Variants in ZDHHC23 observed in about 807,000 individuals in gnomAD.
The protein encoded by ZDHHC23 is palmitoyltransferase ZDHHC23.
In ZDHHC23, 41 loss-of-function variants were observed where a neutral mutation model predicts 40.2. The ratio of observed to expected loss-of-function variants is 1.02; its 90% confidence interval spans 0.79 to 1.32. The LOEUF is 1.32. Among genes scored for constraint, ZDHHC23 ranks in the 40% most tolerant of loss-of-function variants. ZDHHC23 has a pLI of 0.00. For missense variants in ZDHHC23, 471 were observed against 541.5 expected, an observed-to-expected ratio of 0.87 and a Z score of 1.29; for synonymous variants, 204 against 210.2, an observed-to-expected ratio of 0.97 and a Z score of 0.26.
At chr3:113,978,050 G>C in the ZDHHC23 span, 1 of 876,274 alleles carries the variant, frequency 1.1e-6, no homozygotes, top group African/African-American at 1.7e-5. Context: ...GGTGAGCCGG[G>C]ACTCCCACCC....
At chr3:113,956,801 G>A (rs1007918240) in intron 4 of ZDHHC23, among the ~76,000 whole-genome samples, 36 of 152,150 alleles carry the variant, frequency 2.4e-4, no homozygotes, top group Admixed American at 3.9e-4. Flanking sequence ...CTCAAAAGTC[G>A]CAACAGTGAA....
At chr3:113,964,205 A>G (rs1447626708), downstream of ZDHHC23, 1 of 152,232 alleles carries the variant, frequency 6.6e-6, no homozygotes, top group Non-Finnish European at 1.5e-5. Context: ...AAGAGTAATC[A>G]TCTCAGGACT....
downstream of ZDHHC23, among the ~76,000 whole-genome samples, chr3:113,965,814 T>C (rs761209883): frequency 1.3e-5 from 2 of 152,014 alleles, no homozygotes; most frequent in Non-Finnish European, 2.9e-5. Context: ...AGGCTGGTCT[T>C]GAACTCCTGG....
At chr3:113,958,247 G>T in intron 4 of ZDHHC23, 116 bp from the exon 5 acceptor site, 1 of 891,028 alleles carries the variant, frequency 1.1e-6, no homozygotes. Flanking sequence ...CGGAGGGTTG[G>T]GGAAGATGCC....
At position 113,959,338 on chromosome 3, in the gene ZDHHC23, T is replaced by C. The variant is rs1017917506; in HGVS notation, c.*708T>C. ...GATGACCAGATGGATTGATGCTAAGTTGTCTCATCTTGAAAAGACAGTTGA... is the reference window on the plus strand; with the variant it reads ...GATGACCAGATGGATTGATGCTAAGCTGTCTCATCTTGAAAAGACAGTTGA... On this transcript the variant is annotated 3_prime_UTR_variant, in exon 5 of 5. Coordinates refer to ENST00000638807, the MANE Select transcript of ZDHHC23 (RefSeq NM_001320466.2). 1.3e-5 allele frequency: 14 copies of C among 1,107,966 alleles called. No homozygotes were observed. The African/African-American group carries it at 1.9e-4, about 15-fold the overall frequency. The allele number at this position is 1,107,966 out of a possible 1,614,324, so 68.6% of individuals were successfully genotyped here. A position where few individuals can be genotyped will look rare whatever the true frequency, so the allele number is the denominator to read the frequency against.
the ZDHHC23 span, among the ~76,000 whole-genome samples, chr3:113,979,336 G>T: frequency 0.011 from 1,699 of 152,234 alleles, 16 homozygotes; most frequent in Middle Eastern, 0.034. Flanking sequence ...TTCTCAATTT[G>T]CTCTCCTGGA....
chr3:113,953,561 A>C (rs1318447284), intron 2 of ZDHHC23, 139 bp from the exon 3 acceptor site: 3 of 697,972 alleles, frequency 4.3e-6, no homozygotes, highest in Non-Finnish European at 7.0e-6. Flanking sequence ...TGAAAAGCTT[A>C]ATTTAGTAGT....
chr3:113,973,173 A>C, the ZDHHC23 span, among the ~76,000 whole-genome samples: 1 of 152,130 alleles, frequency 6.6e-6, no homozygotes, highest in East Asian at 1.9e-4. Context: ...TTTCTCAGGT[A>C]GTATGTTTTA....
At chr3:113,968,459 C>T (rs192308956), downstream of ZDHHC23, among the ~76,000 whole-genome samples, 2 of 151,756 alleles carry the variant, frequency 1.3e-5, no homozygotes, top group Non-Finnish European at 2.9e-5. Flanking sequence ...ATCTTCCCCC[C>T]CCTTTTTTTT....
chr3:113,948,809 C>T lies in ZDHHC23; in HGVS notation c.7C>T (p.Gln3Ter). The stretch of plus-strand genomic sequence containing the variant: ...ATGGTGACAGGTGCAAATCATGACA[C>T]AGAAGGGCAGTATGAAGCCTGTGAA... MT[Q>*]KGSMKPVKKK... is the part of the protein sequence containing the mutation. Residue 3 changes from glutamine (Q) to a stop codon, truncating the protein, a stop_gained, in exon 2 of 5, where the codon CAG becomes TAG. Transcript: ENST00000638807. LOFTEE classifies it high-confidence loss of function. The T allele has an allele frequency of 6.2e-7, 1 of 1,614,144 alleles. No individual in the cohort carries two copies. Among genetic ancestry groups the T allele is most frequent in the East Asian group, 2.2e-5 (1 of 44,884 alleles).
intron 4 of ZDHHC23, chr3:113,957,472 T>C (rs999607371): frequency 6.2e-5 from 22 of 356,638 alleles, no homozygotes; most frequent in Middle Eastern, 1.0e-3. Flanking sequence ...TGAAATTCTC[T>C]GCTAACGCTG....
intron 1 of ZDHHC23, 137 bp from the exon 2 acceptor site, chr3:113,948,549 C>T (rs1938343375): frequency 2.5e-6 from 1 of 397,138 alleles, no homozygotes; most frequent in Admixed American, 3.8e-5. Context: ...CGGCGCCTGC[C>T]CAGGCTGGGA....
chr3:113,958,579 C>T lies in ZDHHC23; in HGVS notation c.1257C>T (p.Phe419=). ...NRGFLRNWHQ[F]STLGTRAFHH... ...GCTTCCTGCGGAACTGGCACCAGTT[C>T]TCCACCCTGGGCACACGTGCATTCC... Residue 419 remains phenylalanine, a synonymous_variant, in exon 5 of 5, where the codon TTC becomes TTT. Coordinates refer to ENST00000638807, the MANE Select transcript of ZDHHC23 (RefSeq NM_001320466.2). 1 of 1,608,298 alleles carries T rather than the reference C, an allele frequency of 6.2e-7. No homozygotes were observed. The highest frequency in any genetic ancestry group is 8.5e-7 in the Non-Finnish European group (1 of 1,179,892).
At chr3:113,974,719 G>GGTAT in the ZDHHC23 span, among the ~76,000 whole-genome samples, 4 of 151,852 alleles carry the variant, frequency 2.6e-5, no homozygotes. Context: ...GTTTTCAGTG[G>GGTAT]GTATGTTTGA....
In ZDHHC23 at chr3:113,954,244, C is replaced by T. The variant is rs753710063; in HGVS notation, c.706C>T (p.Arg236Cys). The part of the protein sequence containing the change: ...GADMSGSLNN[R>C]TTKDDPKGSS... ...AGACATGTCGGGCAGTCTCAACAAT[C>T]GCACAACAAAGGATGACCCCAAGGG... Residue 236 changes from arginine (R) to cysteine (C), a missense_variant, in exon 3 of 5, where the codon CGC (arginine) becomes TGC (cysteine). Transcript: ENST00000638807. 1.4e-5 allele frequency: 22 copies of T among 1,614,052 alleles called. No individual in the cohort carries two copies. Among genetic ancestry groups the T allele is most frequent in the Non-Finnish European group, 1.7e-5 (20 of 1,180,030 alleles).
downstream of ZDHHC23, among the ~76,000 whole-genome samples, chr3:113,969,945 G>A (rs1227532442): frequency 1.3e-5 from 2 of 152,004 alleles, no homozygotes; most frequent in African/African-American, 4.8e-5. Flanking sequence ...GGGTAGTATT[G>A]CCATTTTAAC....
At position 113,960,189 on chromosome 3, in the gene ZDHHC23, C is replaced by T; in HGVS notation, c.*1559C>T. 1 of 990,754 alleles carries T rather than the reference C, an allele frequency of 1.0e-6. No homozygotes were observed. Among genetic ancestry groups the T allele is most frequent in the Non-Finnish European group, 1.2e-6 (1 of 833,106 alleles). The allele number at this position is 990,754 out of a possible 1,614,324, so 61.4% of individuals were successfully genotyped here. A position where few individuals can be genotyped will look rare whatever the true frequency, so the allele number is the denominator to read the frequency against. ...GAAATATTGCTACTTCCTGCACTTC[C>T]ACCCTCTGCAGCCAGCACCGTCCCT... On this transcript the variant is annotated 3_prime_UTR_variant, in exon 5 of 5. Coordinates refer to ENST00000638807, the MANE Select transcript of ZDHHC23 (RefSeq NM_001320466.2).
chr3:113,948,867 C>T lies in ZDHHC23; in HGVS notation c.65C>T (p.Pro22Leu), dbSNP rs375311929. ...KKKTEEPELE[P>L]LCCCEYIDRN... ...AAAACCGAAGAACCTGAATTGGAGC[C>T]CCTGTGCTGCTGCGAGTACATAGAT... The change falls in exon 2 of 5, where the codon CCC (proline) becomes CTC (leucine). Residue 22 changes from proline to leucine, a missense_variant. Pro to Leu is a moderately conservative substitution (Grantham distance 98). Transcript: ENST00000638807. The T allele has an allele frequency of 6.8e-6, 11 of 1,614,032 alleles. No individual in the cohort carries two copies. Among genetic ancestry groups the T allele is most frequent in the Non-Finnish European group, 4.2e-6 (5 of 1,180,048 alleles).
chr3:113,968,778 A>T (rs1940494151), downstream of ZDHHC23, among the ~76,000 whole-genome samples: 1 of 150,614 alleles, frequency 6.6e-6, no homozygotes, highest in Non-Finnish European at 1.5e-5. Context: ...TTTAAATTGG[A>T]TTTTTTTTTG....
Sources: allele counts gnomAD v4.1 joint callset (sites outside exome capture counted in the v4.1 genomes callset), GRCh38; gene constraint gnomAD v4.1.1; transcripts MANE v1.5; gene names NCBI Gene and HGNC (gene_info 2026-07-23, HGNC 2026-07-21).